NIPAL2: variants seen among roughly 807,000 people sequenced by gnomAD.
NIPAL2 encodes the protein NIPA-like protein 2.
A neutral mutation model predicts 48.9 loss-of-function variants in NIPAL2; 43 were observed. The observed-to-expected ratio is 0.88, with a 90% confidence interval of 0.69 to 1.13. The LOEUF is 1.13. NIPAL2 is among the 50% of genes most tolerant of loss of function. The probability of loss-of-function intolerance (pLI) is 0.00; values close to 1 mark genes in which losing one functional copy is unlikely to be tolerated. For synonymous variants in NIPAL2, 167 were observed against 174.6 expected, an observed-to-expected ratio of 0.96 and a Z score of 0.34; for missense variants, 446 against 461.4, an observed-to-expected ratio of 0.97 and a Z score of 0.31.
At chr8:98,208,237 G>A (rs1811132955) in intron 6 of NIPAL2, among the ~76,000 whole-genome samples, 1 of 152,030 alleles carries the variant, frequency 6.6e-6, no homozygotes, top group African/African-American at 2.4e-5. Context: ...CTAAACATGT[G>A]CTGACCTGTT....
intron 1 of NIPAL2, among the ~76,000 whole-genome samples, chr8:98,272,289 T>C (rs1382377721): frequency 6.6e-6 from 1 of 152,142 alleles, no homozygotes; most frequent in Non-Finnish European, 1.5e-5. Context: ...ATGAAGATCA[T>C]CAAGAGCGGA....
chr8:98,294,061 T>C lies in NIPAL2; in HGVS notation c.77A>G (p.Tyr26Cys). The change falls in exon 1 of 11, where the codon TAC becomes TGC. Residue 26 changes from tyrosine (Y) to cysteine (C), a missense_variant. Transcript: ENST00000430223. ...ALDELSLNFTYGAPGAGNGSL... is the reference protein window; with the variant it reads ...ALDELSLNFTCGAPGAGNGSL... ...GCCGTTGCCGGCGCCTGGTGCCCCG[T>C]ACGTGAAATTCAGTGACAGCTCGTC... 6.7e-7 allele frequency: 1 copy of C among 1,500,908 alleles called. No individual in the cohort carries two copies. Among genetic ancestry groups the C allele is most frequent in the Non-Finnish European group, 8.9e-7 (1 of 1,125,646 alleles). The allele number at this position is 1,500,908 out of a possible 1,614,324, so 93.0% of individuals were successfully genotyped here. A position where few individuals can be genotyped will look rare whatever the true frequency, so the allele number is the denominator to read the frequency against.
At chr8:98,275,226 A>G (rs1815394228) in intron 1 of NIPAL2, among the ~76,000 whole-genome samples, 1 of 152,008 alleles carries the variant, frequency 6.6e-6, no homozygotes, top group African/African-American at 2.4e-5. Flanking sequence ...TACCATCACC[A>G]TAAGACTCCC....
At chr8:98,289,482 A>G (rs1185126464) in intron 1 of NIPAL2, among the ~76,000 whole-genome samples, 1 of 150,612 alleles carries the variant, frequency 6.6e-6, no homozygotes, top group Non-Finnish European at 1.5e-5. Context: ...TAATCTCTTA[A>G]TCTCTTTCTT....
At chr8:98,240,927 C>T (rs1334740933) in intron 3 of NIPAL2, among the ~76,000 whole-genome samples, 2 of 152,194 alleles carry the variant, frequency 1.3e-5, no homozygotes, top group Admixed American at 1.3e-4. Flanking sequence ...GTGCTAGCCT[C>T]GGTTTTATTT....
chr8:98,276,420 A>G (rs976993082), intron 1 of NIPAL2, among the ~76,000 whole-genome samples: 1 of 152,124 alleles, frequency 6.6e-6, no homozygotes. Context: ...TCATGGCTTG[A>G]TAATATTCCA....
intron 1 of NIPAL2, among the ~76,000 whole-genome samples, chr8:98,271,190 G>T (rs1217707023): frequency 6.6e-6 from 1 of 151,966 alleles, no homozygotes; most frequent in East Asian, 1.9e-4. Flanking sequence ...CTCTTTTTTG[G>T]TACCATATAA....
chr8:98,259,942 T>C (rs1005324444), intron 1 of NIPAL2, among the ~76,000 whole-genome samples: 3 of 152,218 alleles, frequency 2.0e-5, no homozygotes, highest in African/African-American at 7.2e-5. Flanking sequence ...TCCAAAGCAC[T>C]CATTGATGGT....
At chr8:98,204,773 G>A (rs1352452691) in intron 7 of NIPAL2, among the ~76,000 whole-genome samples, 2 of 151,884 alleles carry the variant, frequency 1.3e-5, no homozygotes, top group Non-Finnish European at 2.9e-5. Flanking sequence ...ATGAAAGCCT[G>A]GATGTGGACC....
chr8:98,206,330 G>T (rs954087523), intron 6 of NIPAL2, among the ~76,000 whole-genome samples: 1 of 134,334 alleles, frequency 7.4e-6, no homozygotes, highest in Non-Finnish European at 1.6e-5. Flanking sequence ...ATATATATAT[G>T]TATGTATGTA....
intron 3 of NIPAL2, among the ~76,000 whole-genome samples, chr8:98,248,091 G>A (rs963290000): frequency 6.6e-6 from 1 of 152,190 alleles, no homozygotes; most frequent in Non-Finnish European, 1.5e-5. Flanking sequence ...TGTATTTCGT[G>A]TTGGTAGGTT....
In NIPAL2 at chr8:98,205,236, A is replaced by G. The variant is rs752516783; in HGVS notation, c.666T>C (p.Thr222=). 14 of 1,606,764 alleles carry G rather than the reference A, an allele frequency of 8.7e-6. No individual in the cohort carries two copies. The African/African-American group carries it at 1.6e-4, about 18-fold the overall frequency. The change falls in exon 7 of 11, where the codon ACT becomes ACC. Residue 222 remains threonine, a synonymous_variant. Coordinates refer to ENST00000430223, the MANE Select transcript of NIPAL2 (RefSeq NM_001321635.2). ...CTGAGACGGCCTTTACTGAAATAAC[A>G]GTCAATGAGGCTGAAAAAGAAAACA... The part of the protein sequence containing the change: ...LTLVAILASL[T]VISVKAVSGM...
intron 4 of NIPAL2, among the ~76,000 whole-genome samples, chr8:98,233,187 G>A (rs1242213850): frequency 2.6e-5 from 4 of 152,060 alleles, no homozygotes; most frequent in African/African-American, 7.2e-5. Flanking sequence ...GAACCTAGGA[G>A]GTGGAGGTTG....
At chr8:98,197,738 A>G (rs933093177) in intron 8 of NIPAL2, among the ~76,000 whole-genome samples, 1 of 152,238 alleles carries the variant, frequency 6.6e-6, no homozygotes, top group Non-Finnish European at 1.5e-5. Flanking sequence ...CTTTTATAAA[A>G]AGCAACTCCT....
chr8:98,232,255 T>G (rs547960164), intron 4 of NIPAL2, among the ~76,000 whole-genome samples: 20 of 152,210 alleles, frequency 1.3e-4, no homozygotes, highest in Non-Finnish European at 2.8e-4. Context: ...TGACACTAGA[T>G]TAAAGGCAAA....
At position 98,203,087 on chromosome 8, in the gene NIPAL2, G is replaced by A; in HGVS notation, c.880+21C>T. 5.8e-6 allele frequency: 9 copies of A among 1,550,968 alleles called. No individual in the cohort carries two copies. In the East Asian group the frequency reaches 1.8e-4, roughly 31 times the overall value. Reference sequence around the variant, plus strand: ...TTCATTTATGCTTGGAATCACCAATGTATAGAAAACCAAAACTCACCTGCA... The same window carrying A: ...TTCATTTATGCTTGGAATCACCAATATATAGAAAACCAAAACTCACCTGCA... On this transcript the variant is annotated intron_variant, in intron 8 of 10. Coordinates refer to ENST00000430223, the MANE Select transcript of NIPAL2 (RefSeq NM_001321635.2).
chr8:98,263,048 C>A (rs1158013038), intron 1 of NIPAL2, among the ~76,000 whole-genome samples: 4 of 149,542 alleles, frequency 2.7e-5, no homozygotes, highest in African/African-American at 9.9e-5. Flanking sequence ...TAACGAAATG[C>A]AGGCAGAAAT....
rs930851141 is a variant in NIPAL2, at chr8:98,287,756, G to T, written c.135+6247C>A. 3.3e-5 allele frequency among the ~76,000 whole-genome samples: 5 copies of T among 152,126 alleles called. No homozygotes were observed. In the East Asian group the frequency reaches 9.6e-4, roughly 29 times the overall value. On this transcript the variant is annotated intron_variant, in intron 1 of 10. Coordinates refer to ENST00000430223, the MANE Select transcript of NIPAL2 (RefSeq NM_001321635.2). ...TTTCCATTTATATAGAGAAAGCCGA[G>T]AAATGGAGAAATTGAGAAACTTGGC...
intron 1 of NIPAL2, among the ~76,000 whole-genome samples, chr8:98,259,201 C>T (rs529612613): frequency 2.5e-4 from 37 of 149,436 alleles, no homozygotes; most frequent in African/African-American, 7.7e-4. Context: ...CTCAGCCTCC[C>T]GTGTAGCTGG....
Sources: gnomAD v4.1 joint callset for allele counts (sites outside exome capture counted in the v4.1 genomes callset) on GRCh38, gnomAD v4.1.1 for gene constraint, MANE v1.5 for transcripts, NCBI Gene and HGNC (gene_info 2026-07-23, HGNC 2026-07-21) for gene names.